The following PLEKHM3 variants were observed in gnomAD, a reference collection of about 807,000 sequenced individuals.
PLEKHM3 encodes the protein pleckstrin homology domain-containing family M member 3.
A neutral mutation model predicts 81.8 loss-of-function variants in PLEKHM3; 45 were observed. The ratio of observed to expected loss-of-function variants is 0.55; its 90% CI spans 0.43 to 0.71. PLEKHM3 has a LOEUF of 0.71. Ranked by LOEUF, PLEKHM3 falls within the 30% of genes least tolerant of loss-of-function variation. The probability of loss-of-function intolerance (pLI) is 0.00; values close to 1 mark genes in which losing one functional copy is unlikely to be tolerated. For synonymous variants in PLEKHM3, 352 were observed against 356.4 expected, an observed-to-expected ratio of 0.99 and a Z score of 0.14; for missense variants, 788 against 924.3, an observed-to-expected ratio of 0.85 and a Z score of 1.91.
chr2:207,837,481 TC>T (rs1409402719), intron 7 of PLEKHM3, among the ~76,000 whole-genome samples: 2 of 151,924 alleles, frequency 1.3e-5, no homozygotes, highest in Admixed American at 6.6e-5. Flanking sequence ...ATGCCTGTAG[TC>T]CCGGCTACTT....
chr2:207,828,458 T>A lies in PLEKHM3; in HGVS notation c.2147A>T (p.Lys716Ile). The A allele has an allele frequency of 6.2e-7, 1 of 1,614,042 alleles. No homozygotes were observed. The highest frequency in any genetic ancestry group is 8.5e-7 in the Non-Finnish European group (1 of 1,180,002). Residue 716 changes from lysine to isoleucine, a missense_variant, in exon 8 of 8, where the codon AAA becomes ATA. Lys to Ile is a moderately radical substitution (Grantham distance 102). Transcript: ENST00000427836. Reference sequence around the variant, plus strand: ...CCTCGGGCAGGGGACAGACTTTTCTTTGCATTCAGAATGGAAAACGGCTCC... The same window carrying A: ...CCTCGGGCAGGGGACAGACTTTTCTATGCATTCAGAATGGAAAACGGCTCC... ...SCGAVFHSEC[K>I]EKSVPCPRCV...
At chr2:207,854,267 CA>C (rs1490980186) in intron 7 of PLEKHM3, among the ~76,000 whole-genome samples, 1 of 152,058 alleles carries the variant, frequency 6.6e-6, no homozygotes, top group East Asian at 1.9e-4. Flanking sequence ...CAAACATATG[CA>C]AAAGTAGAGA....
chr2:207,856,209 G>T (rs1404969214), intron 7 of PLEKHM3, among the ~76,000 whole-genome samples: 1 of 152,118 alleles, frequency 6.6e-6, no homozygotes, highest in African/African-American at 2.4e-5. Flanking sequence ...TGGGCAGAGA[G>T]TTCCCATATT....
intron 1 of PLEKHM3, among the ~76,000 whole-genome samples, chr2:208,022,969 A>G (rs542604538): frequency 2.6e-4 from 40 of 152,264 alleles, no homozygotes; most frequent in African/African-American, 9.4e-4. Flanking sequence ...CAAATCTACT[A>G]AAAAAATGAA....
chr2:207,967,652 T>C (rs1325644674), intron 3 of PLEKHM3, among the ~76,000 whole-genome samples: 1 of 152,238 alleles, frequency 6.6e-6, no homozygotes, highest in Non-Finnish European at 1.5e-5. Flanking sequence ...ATAGCGGCTT[T>C]TGCCATTAAA....
At chr2:207,898,814 C>T (rs551910456) in intron 6 of PLEKHM3, among the ~76,000 whole-genome samples, 4 of 152,022 alleles carry the variant, frequency 2.6e-5, no homozygotes, top group South Asian at 2.1e-4. Flanking sequence ...GAGGATTGCT[C>T]GGGCTCAGGA....
intron 5 of PLEKHM3, among the ~76,000 whole-genome samples, chr2:207,924,408 G>C (rs979653756): frequency 6.6e-6 from 1 of 152,010 alleles, no homozygotes; most frequent in African/African-American, 2.4e-5. Flanking sequence ...GATAAGGCCA[G>C]GTGTGGCAGC....
At chr2:207,979,393 G>T (rs1363293414) in intron 2 of PLEKHM3, among the ~76,000 whole-genome samples, 1 of 152,134 alleles carries the variant, frequency 6.6e-6, no homozygotes, top group African/African-American at 2.4e-5. Flanking sequence ...AATTAGCTGG[G>T]TGTGGTGGCA....
chr2:207,915,721 C>A (rs1036150167), intron 5 of PLEKHM3, among the ~76,000 whole-genome samples: 2 of 152,136 alleles, frequency 1.3e-5, no homozygotes, highest in African/African-American at 4.8e-5. Context: ...CAATTTGATT[C>A]TAAATGATAA....
At chr2:207,874,134 T>A (rs1194835509) in intron 6 of PLEKHM3, among the ~76,000 whole-genome samples, 1 of 152,194 alleles carries the variant, frequency 6.6e-6, no homozygotes, top group Non-Finnish European at 1.5e-5. Flanking sequence ...CCTGGGCACC[T>A]GTACATCCGG....
At chr2:207,951,294 G>A (rs1574436636) in intron 3 of PLEKHM3, among the ~76,000 whole-genome samples, 1 of 152,144 alleles carries the variant, frequency 6.6e-6, no homozygotes, top group East Asian at 1.9e-4. Flanking sequence ...GTAAAGTAGA[G>A]ACAAAAAATA....
Position 207,874,010 on chromosome 2 carries a change from T to C in PLEKHM3, c.1951-12748A>G, listed in dbSNP as rs562121464. 4.3e-4 allele frequency among the ~76,000 whole-genome samples: 65 copies of C among 152,314 alleles called. No individual in the cohort carries two copies. The South Asian group carries it at 4.4e-3, about 10-fold the overall frequency. The stretch of plus-strand genomic sequence containing the variant: ...GTCTAAGATGGTTGGGGATTTTTAC[T>C]CTTTGCTTCAAGGTCCACAAGTAGA... On this transcript the variant is annotated intron_variant, in intron 6 of 7. Coordinates refer to ENST00000427836, the MANE Select transcript of PLEKHM3 (RefSeq NM_001080475.3).
intron 6 of PLEKHM3, among the ~76,000 whole-genome samples, chr2:207,870,343 C>T (rs531197591): frequency 6.6e-6 from 1 of 152,312 alleles, no homozygotes; most frequent in South Asian, 2.1e-4. Context: ...CATTTCAAAA[C>T]AAGCTTCCTT....
chr2:208,010,325 T>C (rs1481357723), intron 1 of PLEKHM3, among the ~76,000 whole-genome samples: 2 of 152,244 alleles, frequency 1.3e-5, no homozygotes, highest in African/African-American at 4.8e-5. Flanking sequence ...TTACTGCACC[T>C]TTATGTGAAA....
intron 5 of PLEKHM3, among the ~76,000 whole-genome samples, chr2:207,927,154 A>G (rs1329837515): frequency 6.6e-6 from 1 of 152,210 alleles, no homozygotes; most frequent in Non-Finnish European, 1.5e-5. Flanking sequence ...TATCAGGGAT[A>G]TATGAGATTA....
chr2:207,870,950 A>C (rs946340434), intron 6 of PLEKHM3, among the ~76,000 whole-genome samples: 1 of 152,104 alleles, frequency 6.6e-6, no homozygotes, highest in African/African-American at 2.4e-5. Flanking sequence ...TCTGTAAAAA[A>C]TTAAAAAATT....
chr2:207,965,663 T>C (rs1690885756), intron 3 of PLEKHM3, among the ~76,000 whole-genome samples: 1 of 152,236 alleles, frequency 6.6e-6, no homozygotes, highest in African/African-American at 2.4e-5. Flanking sequence ...ACATTCTTCT[T>C]CCATAGACTC....
rs879588517 is a variant in PLEKHM3 at position 207,998,993 on chromosome 2, C to CT, written c.610+2036dup. ...CAGCAACTTGTATGTCCTTTAATAT[C>CT]TTTTTTTTTTTTGAGACAGAGTCTC... On this transcript the variant is annotated intron_variant, in intron 2 of 7. Transcript: ENST00000427836. Among the ~76,000 whole-genome samples the CT allele has an allele frequency of 1.5e-3, 217 of 146,336 alleles. 1 individual carries two copies. The highest frequency in any genetic ancestry group is 1.7e-3 in the South Asian group (8 of 4,614).
In PLEKHM3 at chr2:207,949,734, T is replaced by G. The variant is rs533485922; in HGVS notation, c.1547-3222A>C. On this transcript the variant is annotated intron_variant, in intron 3 of 7. Transcript: ENST00000427836. ...AAAGGTGACCATGATATTGCAGAAATTCAGGATCATCATTATAGTTTAAAT... is the reference window on the plus strand; with the variant it reads ...AAAGGTGACCATGATATTGCAGAAAGTCAGGATCATCATTATAGTTTAAAT... 5.3e-5 allele frequency among the ~76,000 whole-genome samples: 8 copies of G among 152,184 alleles called. No homozygotes were observed. In the East Asian group the frequency reaches 1.5e-3, roughly 29 times the overall value.
Sources: allele counts gnomAD v4.1 joint callset (sites outside exome capture counted in the v4.1 genomes callset), GRCh38; gene constraint gnomAD v4.1.1; transcripts MANE v1.5; gene names NCBI Gene and HGNC (gene_info 2026-07-23, HGNC 2026-07-21).